Variants in JAM3 observed in about 807,000 individuals in gnomAD.
The protein encoded by JAM3 is junctional adhesion molecule C.
A neutral mutation model predicts 39.4 loss-of-function variants in JAM3; 31 were observed. The observed-to-expected ratio is 0.79, with a 90% CI of 0.59 to 1.06. The LOEUF (loss-of-function observed/expected upper bound fraction) is 1.06, where lower values mean the gene tolerates loss of function less well. Ranked by LOEUF, JAM3 falls within the 50% of genes least tolerant of loss-of-function variation. The pLI, the probability that JAM3 is intolerant of heterozygous loss-of-function variation, is 0.00. For missense variants in JAM3, 455 were observed against 391.4 expected (o/e 1.16, Z -1.37); for synonymous variants, 182 against 148.7 (o/e 1.22, Z -1.63).
At chr11:134,145,159 A>G in intron 5 of JAM3, 165 bp downstream of exon 5, 1 of 680,358 alleles carries the variant, frequency 1.5e-6, no homozygotes, top group South Asian at 1.7e-5. Flanking sequence ...TCTTCCTTTT[A>G]TAAACAAGTA....
intron 1 of JAM3, among the ~76,000 whole-genome samples, chr11:134,089,483 G>A (rs368514243): frequency 1.3e-5 from 2 of 151,744 alleles, no homozygotes; most frequent in Non-Finnish European, 1.5e-5. Flanking sequence ...AACAGGCCCC[G>A]GTGTTTGATG....
At position 134,107,466 on chromosome 11, in the gene JAM3, G is replaced by C. The variant is rs531071700; in HGVS notation, c.77-32385G>C. Among the ~76,000 whole-genome samples the C allele has an allele frequency of 2.0e-5, 3 of 151,742 alleles. No homozygotes were observed. In the East Asian group the frequency reaches 5.8e-4, roughly 29 times the overall value. ...CTGCACGTTGTACAGATGTACCCTA[G>C]AACATAAAGTATAAAAAATATATAT... is the stretch of plus-strand genomic sequence containing the variant. On this transcript the variant is annotated intron_variant, in intron 1 of 8. Transcript: ENST00000299106.
intron 3 of JAM3, 149 bp from the exon 4 acceptor site, chr11:134,144,092 G>A: frequency 2.6e-6 from 2 of 759,094 alleles, no homozygotes; most frequent in South Asian, 3.1e-5. Flanking sequence ...GTCCTCAAGA[G>A]AGTTCACTTC....
At chr11:134,130,529 G>A (rs1446102443) in intron 1 of JAM3, among the ~76,000 whole-genome samples, 1 of 152,138 alleles carries the variant, frequency 6.6e-6, no homozygotes, top group Non-Finnish European at 1.5e-5. Flanking sequence ...TTCACCAGCA[G>A]AAAAATTAAA....
chr11:134,119,999 A>C (rs1942503658), intron 1 of JAM3, among the ~76,000 whole-genome samples: 1 of 152,208 alleles, frequency 6.6e-6, no homozygotes, highest in South Asian at 2.1e-4. Flanking sequence ...TGTATGGGTG[A>C]GTGGGTCTGT....
Position 134,151,918 on chromosome 11 carries a change from C to G in JAM3, c.*2737C>G, listed in dbSNP as rs1272203194. On this transcript the variant is annotated 3_prime_UTR_variant, in exon 9 of 9. Coordinates refer to ENST00000299106, the MANE Select transcript of JAM3 (RefSeq NM_032801.5). ...CTGTGTGCTCAAGAGCAGTGCTGCG[C>G]CTCTCCGCCACCGAGCCCACCTGTG... 1 of 152,198 alleles carries G rather than the reference C, an allele frequency of 6.6e-6. No individual in the cohort carries two copies. Among genetic ancestry groups the G allele is most frequent in the Non-Finnish European group, 1.5e-5 (1 of 68,034 alleles). The allele number at this position is 152,198 out of a possible 1,614,324, so 9.4% of individuals were successfully genotyped here.
At chr11:134,106,691 CAAAAG>C (rs1315755598) in intron 1 of JAM3, among the ~76,000 whole-genome samples, 1 of 152,184 alleles carries the variant, frequency 6.6e-6, no homozygotes, top group African/African-American at 2.4e-5. Flanking sequence ...AGACACTTCT[CAAAAG>C]AAAACATTTA....
intron 1 of JAM3, among the ~76,000 whole-genome samples, chr11:134,109,211 C>T (rs1432254209): frequency 2.6e-5 from 4 of 152,152 alleles, no homozygotes; most frequent in Non-Finnish European, 5.9e-5. Flanking sequence ...ATCCACCCAC[C>T]TCAACCTCCC....
intron 1 of JAM3, among the ~76,000 whole-genome samples, chr11:134,110,879 A>G (rs1432450033): frequency 6.6e-6 from 1 of 151,852 alleles, no homozygotes; most frequent in Non-Finnish European, 1.5e-5. Flanking sequence ...TAAAAGTCCA[A>G]AACCAAAAAA....
At chr11:134,133,908 G>C (rs930870210) in intron 1 of JAM3, among the ~76,000 whole-genome samples, 6 of 152,180 alleles carry the variant, frequency 3.9e-5, no homozygotes, top group Non-Finnish European at 8.8e-5. Flanking sequence ...AATGGAGCAA[G>C]CATCAGAACT....
chr11:134,102,717 G>A (rs1942099349), intron 1 of JAM3, among the ~76,000 whole-genome samples: 1 of 152,220 alleles, frequency 6.6e-6, no homozygotes, highest in African/African-American at 2.4e-5. Flanking sequence ...CGTGACGAAT[G>A]CACAAGCTTT....
chr11:134,148,838 G>A lies in JAM3; in HGVS notation c.897+20G>A. On this transcript the variant is annotated intron_variant, in intron 8 of 8. Coordinates refer to ENST00000299106, the MANE Select transcript of JAM3 (RefSeq NM_032801.5). Reference sequence around the variant, plus strand: ...GAGGAGGTAATCATTTAGTAAACCTGGAAACCTAGGTGTACCCAGCAGGGA... The same window carrying A: ...GAGGAGGTAATCATTTAGTAAACCTAGAAACCTAGGTGTACCCAGCAGGGA... 6.2e-7 allele frequency: 1 copy of A among 1,612,066 alleles called. No individual in the cohort carries two copies. The highest frequency in any genetic ancestry group is 2.2e-5 in the East Asian group (1 of 44,854).
chr11:134,140,864 C>A (rs1426725618), intron 3 of JAM3, 94 bp downstream of exon 3: 7 of 1,495,774 alleles, frequency 4.7e-6, no homozygotes, highest in Non-Finnish European at 6.3e-6. Flanking sequence ...AGACTGGTAA[C>A]CTGCATCTGT....
intron 1 of JAM3, among the ~76,000 whole-genome samples, chr11:134,097,980 T>A (rs1342910578): frequency 6.6e-6 from 1 of 152,126 alleles, no homozygotes. Context: ...AGGACTATAT[T>A]CTAATCATTT....
intron 6 of JAM3, among the ~76,000 whole-genome samples, chr11:134,147,236 C>G (rs1015979918): frequency 9.2e-5 from 14 of 151,906 alleles, no homozygotes; most frequent in African/African-American, 3.1e-4. Flanking sequence ...GGTGGATCAC[C>G]TGAGGTCAGG....
intron 1 of JAM3, among the ~76,000 whole-genome samples, chr11:134,112,940 TG>T (rs1942346097): frequency 6.6e-6 from 1 of 152,188 alleles, no homozygotes; most frequent in South Asian, 2.1e-4. Context: ...TGCTGTCTTC[TG>T]TGTGATGGGC....
At chr11:134,105,352 C>A (rs1039113617) in intron 1 of JAM3, among the ~76,000 whole-genome samples, 31 of 152,130 alleles carry the variant, frequency 2.0e-4, no homozygotes, top group Admixed American at 2.0e-4. Flanking sequence ...TGGGACGTAT[C>A]TCAAAATAAT....
chr11:134,130,164 C>T (rs1323880241), intron 1 of JAM3, among the ~76,000 whole-genome samples: 2 of 152,150 alleles, frequency 1.3e-5, no homozygotes, highest in African/African-American at 4.8e-5. Flanking sequence ...GCTAGTTCTA[C>T]CTGAAGCAAT....
In JAM3 at chr11:134,095,789, C is replaced by T. The variant is rs533798700; in HGVS notation, c.76+26630C>T. 1.2e-3 allele frequency among the ~76,000 whole-genome samples: 184 copies of T among 152,268 alleles called. 7 individuals carry two copies. The South Asian group carries it at 0.036, about 30-fold the overall frequency. On this transcript the variant is annotated intron_variant, in intron 1 of 8. Transcript: ENST00000299106. Reference sequence around the variant, plus strand: ...TAAATAGGGGCTACTTTTTCGCCATCTTAGGAAGAAACTGAGTATACCAGA... The same window carrying T: ...TAAATAGGGGCTACTTTTTCGCCATTTTAGGAAGAAACTGAGTATACCAGA...
Sources: gnomAD v4.1 joint callset for allele counts (sites outside exome capture counted in the v4.1 genomes callset) on GRCh38, gnomAD v4.1.1 for gene constraint, MANE v1.5 for transcripts, NCBI Gene and HGNC (gene_info 2026-07-23, HGNC 2026-07-21) for gene names.